Variants in PCDHA6 observed in about 807,000 individuals in gnomAD.
PCDHA6 encodes protocadherin alpha-6.
In PCDHA6, 55 loss-of-function variants were observed where a neutral mutation model predicts 60.3. That is an observed-to-expected ratio of 0.91 (90% CI 0.73 to 1.14). The LOEUF (loss-of-function observed/expected upper bound fraction) is 1.14, where lower values mean the gene tolerates loss of function less well. Among genes scored for constraint, PCDHA6 ranks in the 50% most tolerant of loss-of-function variants. PCDHA6 has a pLI of 0.00. For synonymous variants in PCDHA6, 652 were observed against 557.9 expected, an observed-to-expected ratio of 1.17 and a Z score of -2.38; for missense variants, 1,327 against 1,256.5, an observed-to-expected ratio of 1.06 and a Z score of -0.85.
intron 1 of PCDHA6, chr5:140,928,133 T>C (rs1208134482): frequency 1.2e-6 from 2 of 1,614,090 alleles, no homozygotes; most frequent in Non-Finnish European, 1.7e-6. Context: ...TACCAAGTCC[T>C]GATCACGGCC....
rs2150163892 is a variant in PCDHA6, at chr5:140,829,210, C to T, written c.1119C>T (p.Ser373=). ...AQFGTVIALI[S]VNDLDSGANG... is the part of the protein sequence containing the mutation. ...TTGGTACTGTCATCGCCCTAATTAG[C>T]GTGAACGACCTCGATTCAGGTGCCA... Residue 373 remains serine (S), a synonymous_variant, in exon 1 of 4, where the codon AGC becomes AGT. Coordinates refer to ENST00000529310, the MANE Select transcript of PCDHA6 (RefSeq NM_018909.4). The T allele has an allele frequency of 1.7e-5, 28 of 1,614,110 alleles. No homozygotes were observed. Among genetic ancestry groups the T allele is most frequent in the African/African-American group, 6.7e-5 (5 of 74,954 alleles).
In PCDHA6 at chr5:140,843,023, C is replaced by G. The variant is rs2150350362; in HGVS notation, c.2394+12538C>G. 1.3e-5 allele frequency: 21 copies of G among 1,595,146 alleles called. 2 individuals carry two copies. The highest frequency in any genetic ancestry group is 7.7e-5 in the South Asian group (7 of 90,508). On this transcript the variant is annotated intron_variant, in intron 1 of 3. Coordinates refer to ENST00000529310, the MANE Select transcript of PCDHA6 (RefSeq NM_018909.4). ...TGACAACGCGCCGGCACTGCTGGAG[C>G]CTCGGGTGGGTGGCACTGGTGGCGC...
intron 1 of PCDHA6, chr5:140,966,586 T>C (rs1339521044): frequency 5.5e-6 from 3 of 548,910 alleles, no homozygotes; most frequent in Non-Finnish European, 8.8e-6. Flanking sequence ...GCGAGGACGG[T>C]GGGGCCAGGA....
In PCDHA6 at chr5:140,839,587, A is replaced by C. The variant is rs192015697; in HGVS notation, c.2394+9102A>C. ...GTATTTTTTGTAGAGATGGGGTCTT[A>C]CCATGTTGCCCAGGCTGGTCTCAAA... On this transcript the variant is annotated intron_variant, in intron 1 of 3. Coordinates refer to ENST00000529310, the MANE Select transcript of PCDHA6 (RefSeq NM_018909.4). Among the ~76,000 whole-genome samples, 93 of 152,088 alleles carry C rather than the reference A, an allele frequency of 6.1e-4. 1 individual carries two copies. The highest frequency in any genetic ancestry group is 2.0e-3 in the African/African-American group (82 of 41,446).
chr5:140,843,840 A>G, intron 1 of PCDHA6: 2 of 1,049,820 alleles, frequency 1.9e-6, no homozygotes, highest in South Asian at 1.6e-5. Flanking sequence ...TTTAGTTTTT[A>G]GAAACCTTTT....
rs184822768 is a variant in PCDHA6 at position 140,847,338 on chromosome 5, C to A, written c.2394+16853C>A. 45 of 149,900 alleles carry A rather than the reference C, an allele frequency of 3.0e-4. 3 individuals carry two copies. In the Admixed American group the frequency reaches 3.0e-3, roughly 10 times the overall value. The allele number at this position is 149,900 out of a possible 1,614,324, so 9.3% of individuals were successfully genotyped here. On this transcript the variant is annotated intron_variant, in intron 1 of 3. Transcript: ENST00000529310. ...ACAGAAGCAATTGTTAAATGCACCT[C>A]TTAGGCTGTTATCAGTAGAAATACG... is the stretch of plus-strand genomic sequence containing the variant.
chr5:140,848,301 G>A (rs2150408358), intron 1 of PCDHA6: 1 of 676,876 alleles, frequency 1.5e-6, no homozygotes, highest in Non-Finnish European at 2.5e-6. Flanking sequence ...GCCACGTGAT[G>A]TCACTCTTTG....
chr5:140,882,346 G>A (rs146510190), intron 1 of PCDHA6: 86 of 1,614,078 alleles, frequency 5.3e-5, no homozygotes, highest in African/African-American at 9.3e-5. Flanking sequence ...CCTGGGAGAC[G>A]GGTAGTGGCC....
rs139533789 is a variant in PCDHA6, at chr5:140,857,716, C to T, written c.2394+27231C>T. On this transcript the variant is annotated intron_variant, in intron 1 of 3. Coordinates refer to ENST00000529310, the MANE Select transcript of PCDHA6 (RefSeq NM_018909.4). Reference sequence around the variant, plus strand: ...TGACGCTGCAGGTGTTCGTGCTGGACGAGAACGACAACGCTCCCGCGCTGC... The same window carrying T: ...TGACGCTGCAGGTGTTCGTGCTGGATGAGAACGACAACGCTCCCGCGCTGC... 4,225 of 1,597,384 alleles carry T rather than the reference C, an allele frequency of 2.6e-3. 332 individuals are homozygous for T. The highest frequency in any genetic ancestry group is 8.2e-3 in the Middle Eastern group (46 of 5,608).
At chr5:140,914,439 T>A (rs1352001626) in intron 1 of PCDHA6, among the ~76,000 whole-genome samples, 2 of 152,310 alleles carry the variant, frequency 1.3e-5, no homozygotes, top group South Asian at 2.1e-4. Context: ...TCTTTTCCCA[T>A]GTCTTTATTT....
At chr5:140,877,801 C>T in intron 1 of PCDHA6, 1 of 1,613,416 alleles carries the variant, frequency 6.2e-7, no homozygotes, top group South Asian at 1.1e-5. Context: ...CCCAAGCCTT[C>T]AGCTGTCTCG....
rs149782026 is a variant in PCDHA6, at chr5:140,944,645, G to A, written c.2395-34304G>A. ...TAGTGTTGTAAGCCAGTGTGGATTG[G>A]GAGTCCATACCCCTTATTTATCTAT... On this transcript the variant is annotated intron_variant, in intron 1 of 3. Coordinates refer to ENST00000529310, the MANE Select transcript of PCDHA6 (RefSeq NM_018909.4). Among the ~76,000 whole-genome samples, 728 of 152,260 alleles carry A rather than the reference G, an allele frequency of 4.8e-3. 7 individuals are homozygous for A. The highest frequency in any genetic ancestry group is 0.017 in the African/African-American group (702 of 41,552).
At chr5:140,841,918 C>T in intron 1 of PCDHA6, 4 of 1,613,844 alleles carry the variant, frequency 2.5e-6, no homozygotes, top group Non-Finnish European at 3.4e-6. Flanking sequence ...TAAGAAAATC[C>T]TTGGACAGAG....
chr5:140,836,400 G>T, intron 1 of PCDHA6: 1 of 1,613,760 alleles, frequency 6.2e-7, no homozygotes, highest in Non-Finnish European at 8.5e-7. Context: ...GGTGGAAAGC[G>T]GCCAGGCACC....
At chr5:140,965,066 G>A (rs931765352) in intron 1 of PCDHA6, among the ~76,000 whole-genome samples, 3 of 152,164 alleles carry the variant, frequency 2.0e-5, no homozygotes, top group Non-Finnish European at 4.4e-5. Flanking sequence ...CAAATGTCAG[G>A]TCTCACTCTG....
intron 1 of PCDHA6, chr5:140,870,967 C>T (rs782808360): frequency 1.9e-6 from 3 of 1,613,648 alleles, no homozygotes; most frequent in Admixed American, 1.7e-5. Context: ...CATCCCGTTC[C>T]GCGTGGGGCT....
At position 140,829,792 on chromosome 5, in the gene PCDHA6, G is replaced by C; in HGVS notation, c.1701G>C (p.Ala567=). Residue 567 remains alanine, a synonymous_variant, in exon 1 of 4, where the codon GCG becomes GCC. Transcript: ENST00000529310. ...ACGACAACGCGCCGGCGCTGCTGGC[G>C]CCTCGGGTGGGTGGTACTGGTGGTG... The part of the protein sequence containing the change: ...DENDNAPALL[A]PRVGGTGGAV... 2 of 1,613,832 alleles carry C rather than the reference G, an allele frequency of 1.2e-6. No homozygotes were observed. Among genetic ancestry groups the C allele is most frequent in the Non-Finnish European group, 1.7e-6 (2 of 1,179,860 alleles).
At chr5:140,968,508 A>C (rs977964716) in intron 1 of PCDHA6, 1 of 1,613,950 alleles carries the variant, frequency 6.2e-7, no homozygotes, top group African/African-American at 1.3e-5. Context: ...CACATTCTGT[A>C]CCCTACCTCA....
In PCDHA6 at chr5:140,978,905, T is replaced by C. The variant is rs782532288; in HGVS notation, c.2395-44T>C. 9 of 1,613,632 alleles carry C rather than the reference T, an allele frequency of 5.6e-6. No homozygotes were observed. In the South Asian group the frequency reaches 9.9e-5, roughly 18 times the overall value. On this transcript the variant is annotated intron_variant, in intron 1 of 3. Coordinates refer to ENST00000529310, the MANE Select transcript of PCDHA6 (RefSeq NM_018909.4). ...AATTAGCAGCATTCCTGGGAGAACA[T>C]TGTCTTGTCATTTTAACAGAAAACT...
Sources: allele counts gnomAD v4.1 joint callset (sites outside exome capture counted in the v4.1 genomes callset), GRCh38; gene constraint gnomAD v4.1.1; transcripts MANE v1.5; gene names NCBI Gene and HGNC (gene_info 2026-07-23, HGNC 2026-07-21).